The following RARB variants were observed in gnomAD, a reference collection of about 807,000 sequenced individuals.
RARB encodes the protein retinoic acid receptor beta, also known as HBV-activated protein.
Under a neutral mutation model 51.9 loss-of-function variants are expected in RARB, and 17 were observed. The observed-to-expected ratio is 0.33, with a 90% confidence interval of 0.22 to 0.49. The LOEUF is 0.49. Among genes scored for constraint, RARB ranks in the 20% least tolerant of loss-of-function variants. RARB has a pLI of 0.99. For missense variants in RARB, 369 were observed against 550.8 expected, an observed-to-expected ratio of 0.67 and a Z score of 3.30; for synonymous variants, 215 against 195.4, an observed-to-expected ratio of 1.10 and a Z score of -0.84.
At chr3:25,469,015 G>C (rs959257065) in intron 2 of RARB, among the ~76,000 whole-genome samples, 1 of 152,192 alleles carries the variant, frequency 6.6e-6, no homozygotes, top group Non-Finnish European at 1.5e-5. Flanking sequence ...CACATTGGTA[G>C]CCTTCTATTT....
chr3:25,100,781 A>G (rs1308503969), intron 3 of RARB, among the ~76,000 whole-genome samples: 5 of 152,216 alleles, frequency 3.3e-5, no homozygotes, highest in South Asian at 4.1e-4. Flanking sequence ...ACGTGTCAAA[A>G]GGGACAACAC....
intron 3 of RARB, among the ~76,000 whole-genome samples, chr3:25,551,783 G>C (rs1488027850): frequency 6.6e-6 from 1 of 152,146 alleles, no homozygotes; most frequent in Non-Finnish European, 1.5e-5. Context: ...CTGCCAGATA[G>C]GTCTTGTGGG....
chr3:25,357,533 A>G (rs754711808), intron 5 of RARB, among the ~76,000 whole-genome samples: 7 of 152,264 alleles, frequency 4.6e-5, no homozygotes, highest in Middle Eastern at 3.4e-3. Context: ...TCATTTGTCA[A>G]TTTTGGCTTT....
chr3:25,094,192 G>C (rs1575157580), intron 3 of RARB, among the ~76,000 whole-genome samples: 2 of 152,180 alleles, frequency 1.3e-5, no homozygotes, highest in East Asian at 3.9e-4. Context: ...GCATATAGAA[G>C]GTCTATTCAA....
At chr3:24,944,750 G>A (rs1345287783) in intron 2 of RARB, among the ~76,000 whole-genome samples, 2 of 152,184 alleles carry the variant, frequency 1.3e-5, no homozygotes, top group Non-Finnish European at 2.9e-5. Flanking sequence ...AAGTAGAACA[G>A]GTACAAGCAT....
chr3:24,877,627 T>C (rs1472379380), intron 2 of RARB, among the ~76,000 whole-genome samples: 1 of 152,118 alleles, frequency 6.6e-6, no homozygotes, highest in Non-Finnish European at 1.5e-5. Flanking sequence ...GGTTTTAGTA[T>C]AAACCTACAT....
chr3:24,855,670 T>A (rs1200495023), intron 1 of RARB, among the ~76,000 whole-genome samples: 2 of 151,934 alleles, frequency 1.3e-5, no homozygotes, highest in Admixed American at 1.3e-4. Context: ...TTTAAAAAAA[T>A]TTGAACAGAA....
chr3:25,026,427 C>G (rs1446059717), intron 2 of RARB, among the ~76,000 whole-genome samples: 1 of 152,222 alleles, frequency 6.6e-6, no homozygotes, highest in Non-Finnish European at 1.5e-5. Flanking sequence ...TGAAGCCCCT[C>G]TCTTTGGCTT....
At chr3:24,893,232 C>A (rs1703417500) in intron 2 of RARB, among the ~76,000 whole-genome samples, 2 of 152,202 alleles carry the variant, frequency 1.3e-5, no homozygotes, top group South Asian at 4.1e-4. Context: ...ATGTCTTGAT[C>A]TTGACAAACA....
intron 5 of RARB, among the ~76,000 whole-genome samples, chr3:25,272,959 A>G (rs1184030358): frequency 1.3e-5 from 2 of 152,212 alleles, no homozygotes; most frequent in African/African-American, 4.8e-5. Flanking sequence ...TATCTAAGCC[A>G]GTACAACTGT....
intron 5 of RARB, among the ~76,000 whole-genome samples, chr3:25,207,815 G>C (rs1301768785): frequency 2.0e-5 from 3 of 152,184 alleles, no homozygotes; most frequent in Non-Finnish European, 4.4e-5. Flanking sequence ...GGCTGTTCTT[G>C]AGTTGCTACA....
At chr3:25,004,117 C>T (rs1245629597) in intron 2 of RARB, among the ~76,000 whole-genome samples, 1 of 152,034 alleles carries the variant, frequency 6.6e-6, no homozygotes, top group East Asian at 1.9e-4. Context: ...CCCTATTGTG[C>T]CACCATTTCA....
At chr3:25,024,751 G>C (rs1327379547) in intron 2 of RARB, among the ~76,000 whole-genome samples, 2 of 151,944 alleles carry the variant, frequency 1.3e-5, no homozygotes, top group African/African-American at 2.4e-5. Flanking sequence ...TCAGGAGCTC[G>C]AGACCAGCCT....
At chr3:25,412,741 C>T (rs577624630) in intron 5 of RARB, among the ~76,000 whole-genome samples, 3 of 152,116 alleles carry the variant, frequency 2.0e-5, no homozygotes, top group Non-Finnish European at 2.9e-5. Flanking sequence ...GACCATGGGC[C>T]GGGGGCAGTG....
chr3:25,139,118 T>C (rs1700073933), intron 4 of RARB, among the ~76,000 whole-genome samples: 1 of 152,100 alleles, frequency 6.6e-6, no homozygotes, highest in African/African-American at 2.4e-5. Context: ...CCATTCCTTG[T>C]CTCCCTCTTT....
chr3:25,560,580 G>A (rs574298945), intron 3 of RARB, among the ~76,000 whole-genome samples: 2 of 152,306 alleles, frequency 1.3e-5, no homozygotes, highest in South Asian at 2.1e-4. Flanking sequence ...AACATTAGAG[G>A]TGAACCCACT....
chr3:25,294,346 C>T (rs1431884289), intron 5 of RARB, among the ~76,000 whole-genome samples: 1 of 152,144 alleles, frequency 6.6e-6, no homozygotes, highest in Non-Finnish European at 1.5e-5. Context: ...ACCGCATGGC[C>T]TTAGGCAAGT....
chr3:25,496,364 G>A (rs974813357), intron 2 of RARB, among the ~76,000 whole-genome samples: 2 of 152,138 alleles, frequency 1.3e-5, no homozygotes, highest in Non-Finnish European at 2.9e-5. Flanking sequence ...TACTGTCTTA[G>A]TTCCAGGGGT....
At chr3:25,277,230 G>T (rs980010143) in intron 5 of RARB, among the ~76,000 whole-genome samples, 1 of 152,156 alleles carries the variant, frequency 6.6e-6, no homozygotes, top group Admixed American at 6.5e-5. Context: ...GCGTTGTGGA[G>T]GCCAATATAG....
Sources: gnomAD v4.1 joint callset for allele counts (sites outside exome capture counted in the v4.1 genomes callset) on GRCh38, gnomAD v4.1.1 for gene constraint, MANE v1.5 for transcripts, NCBI Gene and HGNC (gene_info 2026-07-23, HGNC 2026-07-21) for gene names.